The following CDKAL1 variants were observed in gnomAD, a reference collection of about 807,000 sequenced individuals.
CDKAL1 encodes threonylcarbamoyladenosine tRNA methylthiotransferase.
CDKAL1 carries 32 observed loss-of-function variants against 68.2 expected under a neutral mutation model. The observed-to-expected ratio is 0.47, with a 90% CI of 0.35 to 0.63. The LOEUF is 0.63. Among genes scored for constraint, CDKAL1 ranks in the 30% least tolerant of loss-of-function variants. The probability of loss-of-function intolerance (pLI) is 0.00; values close to 1 mark genes in which losing one functional copy is unlikely to be tolerated. For synonymous variants in CDKAL1, 234 were observed against 244.3 expected (o/e 0.96, Z 0.39); for missense variants, 606 against 696.7 (o/e 0.87, Z 1.47).
In CDKAL1 at chr6:21,083,150, G is replaced by A. The variant is rs529345269; in HGVS notation, c.1236+17922G>A. Among the ~76,000 whole-genome samples, 11 of 152,178 alleles carry A rather than the reference G, an allele frequency of 7.2e-5. No individual in the cohort carries two copies. The South Asian group carries it at 2.1e-3, about 29-fold the overall frequency. On this transcript the variant is annotated intron_variant, in intron 12 of 15. Transcript: ENST00000274695. ...CAAAATGCTAGGATTACAGGTGTGAGCCACCATGCCCGGTCTCATTTATGT... is the reference window on the plus strand; with the variant it reads ...CAAAATGCTAGGATTACAGGTGTGAACCACCATGCCCGGTCTCATTTATGT...
intron 5 of CDKAL1, among the ~76,000 whole-genome samples, chr6:20,706,698 C>T (rs1184184445): frequency 6.6e-6 from 1 of 152,052 alleles, no homozygotes; most frequent in Non-Finnish European, 1.5e-5. Context: ...ATAAATAATC[C>T]AGGAGTACAG....
At chr6:21,092,076 C>T (rs1397067030) in intron 12 of CDKAL1, among the ~76,000 whole-genome samples, 22 of 150,760 alleles carry the variant, frequency 1.5e-4, no homozygotes, top group African/African-American at 5.4e-4. Flanking sequence ...TTAGTAGAGA[C>T]GGGGTTTCAC....
chr6:21,181,543 A>G (rs1325314745), intron 13 of CDKAL1, among the ~76,000 whole-genome samples: 1 of 152,208 alleles, frequency 6.6e-6, no homozygotes, highest in Non-Finnish European at 1.5e-5. Context: ...TTGATCTTTG[A>G]CTTCCTGGCC....
At chr6:21,161,213 G>A (rs1481973666) in intron 13 of CDKAL1, among the ~76,000 whole-genome samples, 1 of 151,880 alleles carries the variant, frequency 6.6e-6, no homozygotes, top group Non-Finnish European at 1.5e-5. Flanking sequence ...TTATGTACTT[G>A]ACAAGGCTAC....
chr6:21,194,386 A>G (rs909035191), intron 13 of CDKAL1, among the ~76,000 whole-genome samples: 5 of 152,220 alleles, frequency 3.3e-5, no homozygotes, highest in Admixed American at 6.5e-5. Context: ...TGAGGCAGCC[A>G]TAGAAGTTTG....
chr6:20,800,138 T>C (rs1776306085), intron 8 of CDKAL1, among the ~76,000 whole-genome samples: 2 of 134,006 alleles, frequency 1.5e-5, no homozygotes, highest in South Asian at 2.7e-4. Context: ...AGCATATACA[T>C]GCTCAGCAGC....
At chr6:20,662,227 T>C (rs1460022833) in intron 5 of CDKAL1, among the ~76,000 whole-genome samples, 1 of 152,156 alleles carries the variant, frequency 6.6e-6, no homozygotes, top group African/African-American at 2.4e-5. Context: ...CCATAGGACA[T>C]GTTACCAAAG....
intron 8 of CDKAL1, among the ~76,000 whole-genome samples, chr6:20,808,044 G>A (rs1173837787): frequency 2.0e-5 from 3 of 152,168 alleles, no homozygotes; most frequent in Non-Finnish European, 2.9e-5. Context: ...TTAAAATCAC[G>A]TTTGTTGATT....
intron 8 of CDKAL1, among the ~76,000 whole-genome samples, chr6:20,811,273 C>T (rs891785312): frequency 6.6e-6 from 1 of 152,176 alleles, no homozygotes; most frequent in Non-Finnish European, 1.5e-5. Flanking sequence ...CCATCCGGGG[C>T]AATTCTATAC....
chr6:20,600,414 C>G (rs1208355557), intron 4 of CDKAL1, among the ~76,000 whole-genome samples: 2 of 151,952 alleles, frequency 1.3e-5, no homozygotes, highest in Non-Finnish European at 2.9e-5. Context: ...TACCTTTTTC[C>G]ATTTGTGGTT....
intron 4 of CDKAL1, among the ~76,000 whole-genome samples, chr6:20,613,232 C>A (rs562017591): frequency 2.5e-5 from 3 of 120,724 alleles, no homozygotes; most frequent in Admixed American, 8.4e-5. Flanking sequence ...TTTATCAGTT[C>A]ATCACAAAAT....
intron 4 of CDKAL1, among the ~76,000 whole-genome samples, chr6:20,596,648 AG>A (rs760401553): frequency 6.6e-6 from 1 of 152,162 alleles, no homozygotes; most frequent in Non-Finnish European, 1.5e-5. Flanking sequence ...CCCTGGCTTC[AG>A]CCCCCTTTCC....
chr6:20,986,484 G>A (rs896394815), intron 10 of CDKAL1, among the ~76,000 whole-genome samples: 7 of 151,920 alleles, frequency 4.6e-5, no homozygotes, highest in African/African-American at 1.7e-4. Context: ...AAAGAACAAT[G>A]GAGATATTTT....
intron 15 of CDKAL1, among the ~76,000 whole-genome samples, chr6:21,213,236 G>A (rs1779225465): frequency 6.6e-6 from 1 of 152,186 alleles, no homozygotes; most frequent in African/African-American, 2.4e-5. Flanking sequence ...TGATAGGATG[G>A]TTTTGATGTC....
intron 13 of CDKAL1, among the ~76,000 whole-genome samples, chr6:21,139,622 C>T (rs1775801506): frequency 6.6e-6 from 1 of 152,014 alleles, no homozygotes; most frequent in Admixed American, 6.6e-5. Context: ...ATGATCCTCC[C>T]ACCTCAACCT....
intron 10 of CDKAL1, among the ~76,000 whole-genome samples, chr6:20,986,187 C>A (rs1766442518): frequency 6.6e-6 from 1 of 152,008 alleles, no homozygotes; most frequent in Non-Finnish European, 1.5e-5. Flanking sequence ...GGTTTTCTTC[C>A]TTCGTTTTTG....
intron 15 of CDKAL1, among the ~76,000 whole-genome samples, chr6:21,212,261 A>G (rs1172035686): frequency 3.3e-5 from 5 of 152,188 alleles, no homozygotes; most frequent in Admixed American, 3.3e-4. Flanking sequence ...CACCAGAGGC[A>G]GGGAACCTAC....
At chr6:20,561,458 A>G (rs1166762573) in intron 4 of CDKAL1, among the ~76,000 whole-genome samples, 1 of 149,896 alleles carries the variant, frequency 6.7e-6, no homozygotes, top group Non-Finnish European at 1.5e-5. Context: ...AAAAAAAAAA[A>G]AAAAAAAAAA....
chr6:20,610,246 G>T (rs1766559123), intron 4 of CDKAL1, among the ~76,000 whole-genome samples: 1 of 152,142 alleles, frequency 6.6e-6, no homozygotes, highest in African/African-American at 2.4e-5. Context: ...ATATACACTT[G>T]CATGTGTCTT....
Sources: allele counts gnomAD v4.1 joint callset (sites outside exome capture counted in the v4.1 genomes callset), GRCh38; gene constraint gnomAD v4.1.1; transcripts MANE v1.5; gene names NCBI Gene and HGNC (gene_info 2026-07-23, HGNC 2026-07-21).